The following PCDHGA1 variants were observed in gnomAD, a reference collection of about 807,000 sequenced individuals.
The protein encoded by PCDHGA1 is protocadherin gamma subfamily A, 1, also known as protocadherin gamma-A1.
A neutral mutation model predicts 58.0 loss-of-function variants in PCDHGA1; 32 were observed. That is an observed-to-expected ratio of 0.55 (90% confidence interval 0.42 to 0.74). The LOEUF is 0.74. Among genes scored for constraint, PCDHGA1 ranks in the 30% least tolerant of loss-of-function variants. The probability of loss-of-function intolerance (pLI) is 0.00; values close to 1 mark genes in which losing one functional copy is unlikely to be tolerated. For synonymous variants in PCDHGA1, 498 were observed against 501.1 expected (o/e 0.99, Z 0.08); for missense variants, 1,205 against 1,182.3 (o/e 1.02, Z -0.28).
chr5:141,420,394 C>A, intron 1 of PCDHGA1: 2 of 1,260,296 alleles, frequency 1.6e-6, no homozygotes, highest in Non-Finnish European at 2.1e-6. Flanking sequence ...AAATATAGGT[C>A]AAATTTATGG....
intron 1 of PCDHGA1, chr5:141,428,105 G>A: frequency 1.9e-6 from 3 of 1,608,184 alleles, no homozygotes; most frequent in Admixed American, 1.7e-5. Flanking sequence ...ACCACGTGCT[G>A]CAGGCCATCG....
At chr5:141,355,398 C>G in intron 1 of PCDHGA1, 6 of 1,614,074 alleles carry the variant, frequency 3.7e-6, no homozygotes, top group Admixed American at 1.7e-5. Flanking sequence ...GAGTCCGCAT[C>G]GTCTCCAGAG....
At chr5:141,336,128 T>A (rs1756602170) in intron 1 of PCDHGA1, among the ~76,000 whole-genome samples, 1 of 152,174 alleles carries the variant, frequency 6.6e-6, no homozygotes, top group African/African-American at 2.4e-5. Flanking sequence ...AATGCAACCA[T>A]GGAAGAGTTC....
intron 1 of PCDHGA1, chr5:141,340,593 C>A (rs1234076130): frequency 6.2e-7 from 1 of 1,614,250 alleles, no homozygotes; most frequent in Non-Finnish European, 8.5e-7. Flanking sequence ...GGGAACCCTC[C>A]ACTCAGTAGC....
At chr5:141,383,356 C>A (rs1046340065) in intron 1 of PCDHGA1, 1 of 1,613,884 alleles carries the variant, frequency 6.2e-7, no homozygotes, top group Non-Finnish European at 8.5e-7. Context: ...GGTTCGGTTT[C>A]CGTTAAGCGA....
chr5:141,497,512 T>C (rs903352739), intron 2 of PCDHGA1, among the ~76,000 whole-genome samples: 2 of 151,896 alleles, frequency 1.3e-5, no homozygotes, highest in Admixed American at 1.3e-4. Flanking sequence ...TCTGCTTCCT[T>C]AGTTAACTTG....
intron 1 of PCDHGA1, chr5:141,399,373 G>A: frequency 6.2e-7 from 1 of 1,613,982 alleles, no homozygotes; most frequent in Non-Finnish European, 8.5e-7. Flanking sequence ...GGAGTACAAT[G>A]TCACCATCAC....
At chr5:141,421,564 G>C in intron 1 of PCDHGA1, 1 of 1,613,982 alleles carries the variant, frequency 6.2e-7, no homozygotes, top group Non-Finnish European at 8.5e-7. Context: ...TCTCGTGGAA[G>C]ACACCTTGAA....
At chr5:141,408,955 T>G in intron 1 of PCDHGA1, 1 of 1,613,616 alleles carries the variant, frequency 6.2e-7, no homozygotes, top group South Asian at 1.1e-5. Flanking sequence ...GAATTAGTCT[T>G]AGTGAAAATC....
At chr5:141,351,606 A>G in intron 1 of PCDHGA1, 3 of 1,614,044 alleles carry the variant, frequency 1.9e-6, no homozygotes, top group Non-Finnish European at 2.5e-6. Flanking sequence ...CCTGTTTTCC[A>G]TCAGGCCTCC....
chr5:141,405,319 GC>G, intron 1 of PCDHGA1: 1 of 1,614,176 alleles, frequency 6.2e-7, no homozygotes, highest in Non-Finnish European at 8.5e-7. Context: ...AGAAAAATGA[GC>G]CTTTGTGCGT....
Position 141,491,739 on chromosome 5 carries a change from C to A in PCDHGA1, c.2422-3068C>A, listed in dbSNP as rs372183034. ...CGCCGCCCCGGGCGACCCCTGGGGG[C>A]GGCACTGGAGAAGCCGCCCGTCCTC... On this transcript the variant is annotated intron_variant, in intron 1 of 3. Transcript: ENST00000517417. The surrounding 1 kb of genome is among the most constrained non-coding windows in gnomAD (Gnocchi z 6.9). 2 of 1,598,886 alleles carry A rather than the reference C, an allele frequency of 1.3e-6. No individual in the cohort carries two copies. The highest frequency in any genetic ancestry group is 1.3e-5 in the African/African-American group (1 of 74,290).
In PCDHGA1 at chr5:141,332,753, C is replaced by T; in HGVS notation, c.2069C>T (p.Thr690Ile). ...GCCAAACCCAACGATTCGGACCTCA[C>T]TCTGTACCTGGTGGTGGCGGCGGCC... ...PSAKPNDSDL[T>I]LYLVVAAAAV... Residue 690 changes from threonine (T) to isoleucine (I), a missense_variant, in exon 1 of 4, where the codon ACT becomes ATT. Transcript: ENST00000517417. The surrounding 1 kb of genome is among the most constrained non-coding windows in gnomAD (Gnocchi z 4.6). 1.2e-6 allele frequency: 2 copies of T among 1,614,072 alleles called. No individual in the cohort carries two copies. The highest frequency in any genetic ancestry group is 2.2e-5 in the East Asian group (1 of 44,874).
intron 1 of PCDHGA1, chr5:141,370,749 G>A (rs1232741185): frequency 6.2e-7 from 1 of 1,613,930 alleles, no homozygotes; most frequent in Non-Finnish European, 8.5e-7. Flanking sequence ...CTTTTTTCAT[G>A]TAACTGTGCT....
chr5:141,413,122 G>A, intron 1 of PCDHGA1: 1 of 1,525,890 alleles, frequency 6.6e-7, no homozygotes. Flanking sequence ...GGAACCGGTT[G>A]AAACACACAA....
chr5:141,413,889 T>C (rs1394681178), intron 1 of PCDHGA1: 4 of 1,613,392 alleles, frequency 2.5e-6, no homozygotes, highest in Non-Finnish European at 3.4e-6. Flanking sequence ...CTGTCTTCGA[T>C]GCAAATGACA....
chr5:141,403,544 C>A (rs1300060255), intron 1 of PCDHGA1: 2 of 1,613,970 alleles, frequency 1.2e-6, no homozygotes, highest in South Asian at 1.1e-5. Flanking sequence ...GGTGCTGGAG[C>A]GCGCCCTGGA....
At chr5:141,340,993 C>T in intron 1 of PCDHGA1, 1 of 1,614,104 alleles carries the variant, frequency 6.2e-7, no homozygotes, top group Non-Finnish European at 8.5e-7. Flanking sequence ...TCCTGGCCGA[C>T]CTGGGCAGCC....
chr5:141,368,767 T>G (rs1195016367), intron 1 of PCDHGA1, among the ~76,000 whole-genome samples: 1 of 152,172 alleles, frequency 6.6e-6, no homozygotes, highest in East Asian at 1.9e-4. Context: ...ATCTTTAGTT[T>G]TATATGTGTT....
Sources: allele counts gnomAD v4.1 joint callset (sites outside exome capture counted in the v4.1 genomes callset), GRCh38; gene constraint gnomAD v4.1.1; non-coding constraint Gnocchi (gnomAD v3.1); transcripts MANE v1.5; gene names NCBI Gene and HGNC (gene_info 2026-07-23, HGNC 2026-07-21).